Variants in CNTN5 observed in about 807,000 individuals in gnomAD.
The protein encoded by CNTN5 is contactin-5.
In CNTN5, 77 loss-of-function variants were observed where a neutral mutation model predicts 129.1. The observed-to-expected ratio is 0.60, with a 90% CI of 0.50 to 0.72. The LOEUF is 0.72. CNTN5 is among the 30% of genes least tolerant of loss of function. The pLI is 0.00. For missense variants in CNTN5, 1,478 were observed against 1,328.8 expected, an observed-to-expected ratio of 1.11 and a Z score of -1.75; for synonymous variants, 509 against 465.6, an observed-to-expected ratio of 1.09 and a Z score of -1.20.
At chr11:100,041,082 G>C (rs1387169657) in intron 9 of CNTN5, among the ~76,000 whole-genome samples, 1 of 152,170 alleles carries the variant, frequency 6.6e-6, no homozygotes, top group Non-Finnish European at 1.5e-5. Flanking sequence ...ACTAGGAGCT[G>C]TAGACTGGAG....
At chr11:100,107,777 C>CTTAT (rs548341654) in intron 13 of CNTN5, among the ~76,000 whole-genome samples, 128 of 151,940 alleles carry the variant, frequency 8.4e-4, no homozygotes, top group African/African-American at 3.0e-3. Flanking sequence ...AAAGAAAATT[C>CTTAT]TTATTTTCAA....
At chr11:99,539,618 C>T (rs577382700) in intron 2 of CNTN5, among the ~76,000 whole-genome samples, 2 of 152,090 alleles carry the variant, frequency 1.3e-5, no homozygotes, top group South Asian at 2.1e-4. Context: ...CATGAGGAAG[C>T]GGAGTGTCAG....
intron 13 of CNTN5, among the ~76,000 whole-genome samples, chr11:100,149,903 A>AAAAAAGAAAAG (rs886944242): frequency 6.7e-6 from 1 of 150,064 alleles, no homozygotes; most frequent in African/African-American, 2.5e-5. Context: ...CAAAAAAAAA[A>AAAAAAGAAAAG]AAAAGAAAAG....
In CNTN5 at chr11:99,804,370, T is replaced by C. The variant is rs961303794; in HGVS notation, c.56-15174T>C. Among the ~76,000 whole-genome samples the C allele has an allele frequency of 3.3e-5, 5 of 152,150 alleles. 1 individual carries two copies. In the South Asian group the frequency reaches 1.0e-3, roughly 32 times the overall value. On this transcript the variant is annotated intron_variant, in intron 3 of 24. Coordinates refer to ENST00000524871, the MANE Select transcript of CNTN5 (RefSeq NM_014361.4). ...GTTAACAAAAACATAATGTGATATTTAGGAATAGTGCAAGTTGTCTTTTAA... is the reference window on the plus strand; with the variant it reads ...GTTAACAAAAACATAATGTGATATTCAGGAATAGTGCAAGTTGTCTTTTAA...
intron 3 of CNTN5, among the ~76,000 whole-genome samples, chr11:99,635,907 T>C (rs1239576849): frequency 6.6e-6 from 1 of 152,144 alleles, no homozygotes; most frequent in Non-Finnish European, 1.5e-5. Flanking sequence ...ACCAGTACTC[T>C]GAAGCAAGAA....
chr11:99,194,885 G>A (rs1242127348), intron 1 of CNTN5, among the ~76,000 whole-genome samples: 1 of 152,156 alleles, frequency 6.6e-6, no homozygotes, highest in African/African-American at 2.4e-5. Flanking sequence ...GATTACAGGT[G>A]TGAGCCACCA....
At chr11:99,230,482 T>C (rs943387898) in intron 1 of CNTN5, among the ~76,000 whole-genome samples, 1 of 152,166 alleles carries the variant, frequency 6.6e-6, no homozygotes, top group Non-Finnish European at 1.5e-5. Context: ...TTATTTGCTG[T>C]GTTTTTATTT....
intron 1 of CNTN5, among the ~76,000 whole-genome samples, chr11:99,038,109 T>C (rs981459153): frequency 6.6e-6 from 1 of 152,112 alleles, no homozygotes; most frequent in Non-Finnish European, 1.5e-5. Context: ...CAATTACCTT[T>C]AGTGAGGTAT....
chr11:99,584,634 C>G (rs112824398), intron 3 of CNTN5, among the ~76,000 whole-genome samples: 1,791 of 152,198 alleles, frequency 0.012, 29 homozygotes, highest in African/African-American at 0.039. Flanking sequence ...TTAAATAAAA[C>G]CCTTAAATAC....
At chr11:99,430,741 G>A (rs1943332077) in intron 2 of CNTN5, among the ~76,000 whole-genome samples, 2 of 151,952 alleles carry the variant, frequency 1.3e-5, no homozygotes, top group East Asian at 1.9e-4. Flanking sequence ...GGTTGGGGGG[G>A]CGGGGAGAAA....
intron 8 of CNTN5, among the ~76,000 whole-genome samples, chr11:99,959,931 T>A (rs1052715140): frequency 6.6e-6 from 1 of 152,160 alleles, no homozygotes; most frequent in African/African-American, 2.4e-5. Context: ...TTGTCCATTT[T>A]TTTTTTAAAT....
chr11:100,000,130 A>C (rs1939763973), intron 8 of CNTN5, among the ~76,000 whole-genome samples: 1 of 152,092 alleles, frequency 6.6e-6, no homozygotes, highest in East Asian at 1.9e-4. Flanking sequence ...CACATTGTGC[A>C]CATGTATCCT....
chr11:99,357,247 T>C (rs1432422251), intron 2 of CNTN5, among the ~76,000 whole-genome samples: 1 of 152,172 alleles, frequency 6.6e-6, no homozygotes, highest in Non-Finnish European at 1.5e-5. Flanking sequence ...TATTTGCCTC[T>C]TTTTAAAATT....
intron 13 of CNTN5, among the ~76,000 whole-genome samples, chr11:100,161,289 C>T (rs866920038): frequency 6.6e-6 from 1 of 151,530 alleles, no homozygotes; most frequent in Non-Finnish European, 1.5e-5. Context: ...GCCCAAGCCC[C>T]AATAGAGATG....
At chr11:99,845,364 A>ATATTTTTTTTTTTTTTTTTTTTT (rs1947653236) in intron 6 of CNTN5, 102 bp downstream of exon 6, 1 of 239,348 alleles carries the variant, frequency 4.2e-6, no homozygotes, top group South Asian at 1.4e-4. Flanking sequence ...AAGATCTCAA[A>ATATTTTTTTTTTTTTTTTTTTTT]TCTTTTTTTT....
intron 1 of CNTN5, among the ~76,000 whole-genome samples, chr11:99,110,116 G>A (rs1857718537): frequency 6.6e-6 from 1 of 152,094 alleles, no homozygotes; most frequent in African/African-American, 2.4e-5. Flanking sequence ...CACAGAGCTT[G>A]CCATGACTTC....
intron 3 of CNTN5, among the ~76,000 whole-genome samples, chr11:99,718,979 A>G (rs924003631): frequency 2.0e-5 from 3 of 152,128 alleles, no homozygotes; most frequent in African/African-American, 4.8e-5. Flanking sequence ...AGATAAAGAA[A>G]AAATGATAGA....
chr11:100,266,938 A>C (rs111755013), intron 17 of CNTN5, among the ~76,000 whole-genome samples: 271 of 152,280 alleles, frequency 1.8e-3, no homozygotes, highest in Admixed American at 3.1e-3. Flanking sequence ...TCAATGAACA[A>C]CACCAAATAA....
In CNTN5 at chr11:99,233,670, G is replaced by A. The variant is rs995528321; in HGVS notation, c.-209-91676G>A. Among the ~76,000 whole-genome samples the A allele has an allele frequency of 5.3e-5, 8 of 152,080 alleles. 1 individual carries two copies. Among genetic ancestry groups the A allele is most frequent in the Admixed American group, 1.3e-4 (2 of 15,264 alleles). ...TGTATTAAATAATTTGTTTTAGGCCGGATGCGGTGGCTCACGCCTGTAATC... is the reference window on the plus strand; with the variant it reads ...TGTATTAAATAATTTGTTTTAGGCCAGATGCGGTGGCTCACGCCTGTAATC... On this transcript the variant is annotated intron_variant, in intron 1 of 24. Coordinates refer to ENST00000524871, the MANE Select transcript of CNTN5 (RefSeq NM_014361.4).
Sources: gnomAD v4.1 joint callset for allele counts (sites outside exome capture counted in the v4.1 genomes callset) on GRCh38, gnomAD v4.1.1 for gene constraint, MANE v1.5 for transcripts, NCBI Gene and HGNC (gene_info 2026-07-23, HGNC 2026-07-21) for gene names.